DNASE1: variants seen among roughly 807,000 people sequenced by gnomAD.
The protein encoded by DNASE1 is deoxyribonuclease-1.
A neutral mutation model predicts 33.9 loss-of-function variants in DNASE1; 40 were observed. The ratio of observed to expected loss-of-function variants is 1.18; its 90% CI spans 0.92 to 1.54. DNASE1 has a LOEUF of 1.54. Among genes scored for constraint, DNASE1 ranks in the 40% most tolerant of loss-of-function variants. The probability of loss-of-function intolerance (pLI) is 0.00; values close to 1 mark genes in which losing one functional copy is unlikely to be tolerated. For synonymous variants in DNASE1, 216 were observed against 160.0 expected, an observed-to-expected ratio of 1.35 and a Z score of -2.64; for missense variants, 518 against 372.6, an observed-to-expected ratio of 1.39 and a Z score of -3.21.
intron 1 of DNASE1, among the ~76,000 whole-genome samples, chr16:3,637,926 C>G (rs1407359483): frequency 6.6e-6 from 1 of 152,182 alleles, no homozygotes; most frequent in African/African-American, 2.4e-5. Flanking sequence ...CCTGTAACTT[C>G]AGTTCTCTGA....
At chr16:3,658,411 CGCCTGGCCATTTTT>C (rs1054751765), downstream of DNASE1, 5 of 617,462 alleles carry the variant, frequency 8.1e-6, no homozygotes, top group African/African-American at 9.3e-5. Context: ...TGAGCCACCA[CGCCTGGCCATTTTT>C]CCGTTTTTAA....
chr16:3,662,940 G>C, downstream of DNASE1: 4 of 1,612,400 alleles, frequency 2.5e-6, no homozygotes, highest in Non-Finnish European at 3.4e-6. Context: ...GAGCTCCTCC[G>C]TCTCCTTCTC....
chr16:3,664,444 G>A (rs912132638), exon 10 of DNASE1: 3 of 1,611,092 alleles, frequency 1.9e-6, no homozygotes, highest in East Asian at 2.2e-5. Flanking sequence ...TAGCGCAGCA[G>A]CTTTGCTATG....
chr16:3,650,706 G>A (rs2042308655), upstream of DNASE1: 2 of 152,060 alleles, frequency 1.3e-5, no homozygotes, highest in African/African-American at 2.4e-5. Context: ...AACTTATAGT[G>A]GATGTCTAGA....
At position 3,654,837 on chromosome 16, in the gene DNASE1, G is replaced by A. The variant is rs2042492587; in HGVS notation, c.-209G>A. 2 of 405,224 alleles carry A rather than the reference G, an allele frequency of 4.9e-6. No homozygotes were observed. The highest frequency in any genetic ancestry group is 4.2e-5 in the Admixed American group (1 of 23,602). The allele number at this position is 405,224 out of a possible 1,614,324, so 25.1% of individuals were successfully genotyped here. The stretch of plus-strand genomic sequence containing the variant: ...GCCCCAGGGAAGGTCACAGCTGCCT[G>A]AACTTTTAAAACTCCCAGACACGCA... On this transcript the variant is annotated 5_prime_UTR_variant, in exon 1 of 9. Transcript: ENST00000246949.
chr16:3,625,352 T>C (rs889703604), intron 1 of DNASE1, among the ~76,000 whole-genome samples: 1 of 151,826 alleles, frequency 6.6e-6, no homozygotes, highest in Non-Finnish European at 1.5e-5. Flanking sequence ...GGCATGATGT[T>C]ATATTCTTGT....
chr16:3,651,901 G>A (rs1410928114), upstream of DNASE1: 1 of 152,392 alleles, frequency 6.6e-6, no homozygotes, highest in Non-Finnish European at 1.5e-5. Flanking sequence ...AGGCTGCAGG[G>A]GCAGGATGGC....
upstream of DNASE1, chr16:3,654,646 T>C (rs2042479086): frequency 7.5e-6 from 3 of 398,932 alleles, no homozygotes; most frequent in Admixed American, 4.4e-5. Context: ...CCTTTGGCCT[T>C]GTTATCAGAC....
At chr16:3,662,445 C>T (rs2043137313), downstream of DNASE1, 1 of 542,666 alleles carries the variant, frequency 1.8e-6, no homozygotes, top group Non-Finnish European at 3.3e-6. Flanking sequence ...CTCCAAGTGA[C>T]CATGCATGGG....
At position 3,656,745 on chromosome 16, in the gene DNASE1, G is replaced by A. The variant is rs139615062; in HGVS notation, c.428G>A (p.Arg143Gln). The change falls in exon 5 of 9, where the codon CGG becomes CAG. Residue 143 changes from arginine (R) to glutamine (Q), a missense_variant. Coordinates refer to ENST00000246949, the MANE Select transcript of DNASE1 (RefSeq NM_005223.4). ...REPAIVRFFS[R>Q]FTEVREFAIV... Reference sequence around the variant, plus strand: ...CCAGCCATTGTCAGGTTCTTCTCCCGGTTCACAGGTGGGTGCTGCCTGGGC... The same window carrying A: ...CCAGCCATTGTCAGGTTCTTCTCCCAGTTCACAGGTGGGTGCTGCCTGGGC... The A allele has an allele frequency of 4.7e-5, 76 of 1,606,920 alleles. 1 individual carries two copies. In the African/African-American group the frequency reaches 6.6e-4, roughly 14 times the overall value.
At chr16:3,627,786 T>C (rs1175333666) in intron 1 of DNASE1, among the ~76,000 whole-genome samples, 1 of 152,204 alleles carries the variant, frequency 6.6e-6, no homozygotes, top group Non-Finnish European at 1.5e-5. Flanking sequence ...TTCCTGCCAG[T>C]ACCACATTGT....
chr16:3,662,577 C>T (rs2151239816), downstream of DNASE1: 2 of 604,818 alleles, frequency 3.3e-6, no homozygotes, highest in Non-Finnish European at 6.2e-6. Context: ...GCTGGGGTAG[C>T]ATGTCCCTTG....
At chr16:3,641,672 T>C (rs2042026707), upstream of DNASE1, among the ~76,000 whole-genome samples, 1 of 152,072 alleles carries the variant, frequency 6.6e-6, no homozygotes, top group South Asian at 2.1e-4. Context: ...CAGAGAAGAA[T>C]TTGGTTACAG....
intron 7 of DNASE1, 124 bp downstream of exon 7, chr16:3,657,465 A>G: frequency 7.4e-7 from 1 of 1,359,340 alleles, no homozygotes; most frequent in South Asian, 1.4e-5. Context: ...CAGTTGATCC[A>G]CTACAGGGAA....
At chr16:3,643,811 G>A (rs577370145) in intron 1 of DNASE1, among the ~76,000 whole-genome samples, 5 of 152,120 alleles carry the variant, frequency 3.3e-5, no homozygotes, top group Non-Finnish European at 7.3e-5. Flanking sequence ...GCCCAGGCTG[G>A]AGTGCAGTGG....
Position 3,658,057 on chromosome 16 carries a change from AAATTTAGGTAAATAAAGCTC to A in DNASE1, c.*107_*126del. On this transcript the variant is annotated 3_prime_UTR_variant, in exon 9 of 9. Transcript: ENST00000246949. ...CACACTCGGGTTAAGAAATACCTTT[AAATTTAGGTAAATAAAGCTC>A]AAGGAGGTGGGGCTGTCATCTGTGG... 6.2e-7 allele frequency: 1 copy of A among 1,607,712 alleles called. No individual in the cohort carries two copies. The highest frequency in any genetic ancestry group is 8.5e-7 in the Non-Finnish European group (1 of 1,176,038).
At chr16:3,656,871 TTTCCA>T in intron 5 of DNASE1, 118 bp downstream of exon 5, 1 of 1,544,156 alleles carries the variant, frequency 6.5e-7, no homozygotes. Flanking sequence ...GGGCTTGGGT[TTTCCA>T]TTCAAGTCAT....
chr16:3,651,846 G>C (rs1269000984), upstream of DNASE1: 1 of 152,350 alleles, frequency 6.6e-6, no homozygotes, highest in African/African-American at 2.4e-5. Context: ...ACAGAAAAGA[G>C]ATCCACGAGG....
At chr16:3,635,041 C>T (rs2041825700) in intron 1 of DNASE1, among the ~76,000 whole-genome samples, 1 of 151,860 alleles carries the variant, frequency 6.6e-6, no homozygotes, top group African/African-American at 2.4e-5. Flanking sequence ...CCAAATAGCC[C>T]AGAACTCCTG....
Sources: gnomAD v4.1 joint callset for allele counts (sites outside exome capture counted in the v4.1 genomes callset) on GRCh38, gnomAD v4.1.1 for gene constraint, MANE v1.5 for transcripts, NCBI Gene and HGNC (gene_info 2026-07-23, HGNC 2026-07-21) for gene names.